Variants in NXN observed in about 807,000 individuals in gnomAD.
NXN encodes the protein nucleoredoxin 1.
NXN carries 16 observed loss-of-function variants against 48.6 expected under a neutral mutation model. The observed-to-expected ratio is 0.33, with a 90% CI of 0.22 to 0.50. NXN has a LOEUF of 0.50. NXN is among the 20% of genes least tolerant of loss of function. The pLI, the probability that NXN is intolerant of heterozygous loss-of-function variation, is 0.98. For synonymous variants in NXN, 281 were observed against 269.6 expected, an observed-to-expected ratio of 1.04 and a Z score of -0.41; for missense variants, 492 against 605.5, an observed-to-expected ratio of 0.81 and a Z score of 1.97.
intron 1 of NXN, among the ~76,000 whole-genome samples, chr17:966,648 G>C (rs1459839649): frequency 6.6e-6 from 1 of 152,076 alleles, no homozygotes; most frequent in Non-Finnish European, 1.5e-5. Context: ...CGCCCGGCTG[G>C]TGTTCGCATA....
At chr17:806,745 C>T (rs1911555895) in intron 5 of NXN, among the ~76,000 whole-genome samples, 2 of 152,164 alleles carry the variant, frequency 1.3e-5, no homozygotes, top group Non-Finnish European at 2.9e-5. Context: ...GACATATGGC[C>T]CTCGTGTTTC....
At chr17:934,204 G>T (rs1013473907) in intron 1 of NXN, among the ~76,000 whole-genome samples, 1 of 152,042 alleles carries the variant, frequency 6.6e-6, no homozygotes, top group African/African-American at 2.4e-5. Flanking sequence ...CCAGCACTTT[G>T]GGAGGCTCAG....
chr17:902,215 G>A (rs985750928), intron 1 of NXN, among the ~76,000 whole-genome samples: 3 of 152,158 alleles, frequency 2.0e-5, no homozygotes, highest in African/African-American at 7.2e-5. Context: ...GCTCCCACTC[G>A]CACGACGGAC....
At chr17:805,619 T>C (rs1277153396) in intron 5 of NXN, among the ~76,000 whole-genome samples, 1 of 152,084 alleles carries the variant, frequency 6.6e-6, no homozygotes, top group Non-Finnish European at 1.5e-5. Context: ...GATGGATCAC[T>C]TGAGGTCAGG....
At chr17:960,181 C>A (rs76500347) in intron 1 of NXN, among the ~76,000 whole-genome samples, 1 of 152,194 alleles carries the variant, frequency 6.6e-6, no homozygotes, top group African/African-American at 2.4e-5. Flanking sequence ...CCTAACACAA[C>A]AGTAAGCAAT....
chr17:897,673 T>C (rs2068500965), intron 1 of NXN, among the ~76,000 whole-genome samples: 1 of 136,744 alleles, frequency 7.3e-6, no homozygotes, highest in South Asian at 2.2e-4. Context: ...CCAGCATTTG[T>C]TTTTCTTTTA....
intron 1 of NXN, among the ~76,000 whole-genome samples, chr17:924,479 C>A (rs376335628): frequency 1.3e-5 from 2 of 152,316 alleles, no homozygotes; most frequent in African/African-American, 4.8e-5. Context: ...TCAGGTGATC[C>A]GCCCACCTCG....
chr17:854,443 C>T lies in NXN; in HGVS notation c.361-28365G>A, dbSNP rs1265979924. On this transcript the variant is annotated intron_variant, in intron 1 of 7. Coordinates refer to ENST00000336868, the MANE Select transcript of NXN (RefSeq NM_022463.5). ...GCGGGCGGATCACAAGGTCAGGAGA[C>T]TGAGACCATCCTGGCTAACACGGTG... Among the ~76,000 whole-genome samples, 46 of 142,232 alleles carry T rather than the reference C, an allele frequency of 3.2e-4. 1 individual carries two copies. Among genetic ancestry groups the T allele is most frequent in the Admixed American group, 2.9e-3 (41 of 14,052 alleles). The allele number at this position is 142,232 out of a possible 152,430, so 93.3% of individuals were successfully genotyped here.
intron 1 of NXN, among the ~76,000 whole-genome samples, chr17:860,210 G>A (rs1207405451): frequency 2.6e-5 from 4 of 152,196 alleles, no homozygotes; most frequent in East Asian, 1.9e-4. Flanking sequence ...TGCAACCTCC[G>A]CCTCCTGGGT....
chr17:962,095 C>A (rs1183877859), intron 1 of NXN, among the ~76,000 whole-genome samples: 1 of 152,122 alleles, frequency 6.6e-6, no homozygotes, highest in East Asian at 1.9e-4. Context: ...GATCGCGCCA[C>A]TGCACTCCAG....
intron 1 of NXN, among the ~76,000 whole-genome samples, chr17:887,708 C>T (rs557832102): frequency 2.6e-5 from 4 of 152,270 alleles, no homozygotes; most frequent in South Asian, 2.1e-4. Flanking sequence ...AGTGAACCAC[C>T]GTCACAGAGC....
chr17:837,645 G>A (rs545663818), intron 1 of NXN, among the ~76,000 whole-genome samples: 10 of 152,160 alleles, frequency 6.6e-5, no homozygotes, highest in African/African-American at 1.4e-4. Flanking sequence ...GAAATGATTC[G>A]AATCCAGCGC....
intron 1 of NXN, among the ~76,000 whole-genome samples, chr17:864,416 T>C (rs1217522020): frequency 1.3e-5 from 2 of 152,186 alleles, no homozygotes; most frequent in African/African-American, 4.8e-5. Flanking sequence ...CCATGTCCCA[T>C]GGGACAAGAC....
intron 1 of NXN, among the ~76,000 whole-genome samples, chr17:846,915 T>C (rs1287783246): frequency 6.6e-6 from 1 of 152,148 alleles, no homozygotes; most frequent in Non-Finnish European, 1.5e-5. Context: ...TTGATCAGAT[T>C]ATTTGAAGAG....
intron 5 of NXN, among the ~76,000 whole-genome samples, chr17:817,109 G>C (rs546876985): frequency 1.3e-5 from 2 of 152,036 alleles, no homozygotes; most frequent in Non-Finnish European, 2.9e-5. Context: ...ATTCCCCTAG[G>C]ATTAACGAAT....
chr17:888,249 C>T (rs1450748857), intron 1 of NXN, among the ~76,000 whole-genome samples: 2 of 152,212 alleles, frequency 1.3e-5, no homozygotes, highest in Non-Finnish European at 1.5e-5. Flanking sequence ...GACAGGGCCT[C>T]GCTCTGTTCC....
chr17:884,536 G>A (rs1419501033), intron 1 of NXN, among the ~76,000 whole-genome samples: 2 of 152,230 alleles, frequency 1.3e-5, no homozygotes, highest in African/African-American at 4.8e-5. Flanking sequence ...GCACTGTCCA[G>A]GGGAAGGACA....
intron 1 of NXN, among the ~76,000 whole-genome samples, chr17:841,168 T>A (rs933660732): frequency 6.6e-6 from 1 of 152,204 alleles, no homozygotes; most frequent in East Asian, 1.9e-4. Flanking sequence ...CTTGGAAACA[T>A]CCCTGGCTCA....
chr17:866,185 T>C (rs1597675906), intron 1 of NXN, among the ~76,000 whole-genome samples: 2 of 152,258 alleles, frequency 1.3e-5, no homozygotes, highest in East Asian at 3.9e-4. Context: ...TGGCAAGATA[T>C]TAGATTTTTT....
Sources: allele counts gnomAD v4.1 joint callset (sites outside exome capture counted in the v4.1 genomes callset), GRCh38; gene constraint gnomAD v4.1.1; transcripts MANE v1.5; gene names NCBI Gene and HGNC (gene_info 2026-07-23, HGNC 2026-07-21).